Variants in CFAP46 observed in about 807,000 individuals in gnomAD.
The protein encoded by CFAP46 is cilia- and flagella-associated protein 46.
Under a neutral mutation model 325.7 loss-of-function variants are expected in CFAP46, and 245 were observed. The ratio of observed to expected loss-of-function variants is 0.75; its 90% confidence interval spans 0.68 to 0.84. The LOEUF is 0.84. CFAP46 is among the 40% of genes least tolerant of loss of function. The pLI, the probability that CFAP46 is intolerant of heterozygous loss-of-function variation, is 0.00. For synonymous variants in CFAP46, 1,523 were observed against 1,495.9 expected (o/e 1.02, Z -0.42); for missense variants, 3,346 against 3,543.0 (o/e 0.94, Z 1.41).
chr10:132,908,385 T>G, intron 22 of CFAP46, 83 bp downstream of exon 22: 1 of 1,480,882 alleles, frequency 6.8e-7, no homozygotes, highest in Non-Finnish European at 9.2e-7. Context: ...GGCGCTCACC[T>G]GCTCCCTGAT....
chr10:132,859,086 C>T lies in CFAP46; in HGVS notation c.5360G>A (p.Arg1787His), dbSNP rs1178763308. ...KENCVDVKLE[R>H]AKIKRLRAQN... is the part of the protein sequence containing the mutation. The stretch of plus-strand genomic sequence containing the variant: ...GCAGCCTTACCTCTTGATCTTCGCA[C>T]GCTCTAGTTTTACGTCAACACAATT... The change falls in exon 38 of 58, where the codon CGT becomes CAT. Residue 1787 changes from arginine to histidine, a missense_variant. Physicochemically the swap from Arg to His is conservative, Grantham distance 29. Transcript: ENST00000368586. The T allele has an allele frequency of 4.5e-6, 7 of 1,550,672 alleles. No homozygotes were observed. Among genetic ancestry groups the T allele is most frequent in the Non-Finnish European group, 5.2e-6 (6 of 1,146,972 alleles).
At position 132,827,929 on chromosome 10, in the gene CFAP46, G is replaced by A. The variant is rs920972658; in HGVS notation, c.7117+5429C>T. Among the ~76,000 whole-genome samples, 5 of 150,944 alleles carry A rather than the reference G, an allele frequency of 3.3e-5. No individual in the cohort carries two copies. The highest frequency in any genetic ancestry group is 2.2e-4 in the South Asian group (1 of 4,448). ...AGCGTAATCCTTCTGAGTGAGCCCCGTCACCCCTCGGCGTAATCCTTCTGA... is the reference window on the plus strand; with the variant it reads ...AGCGTAATCCTTCTGAGTGAGCCCCATCACCCCTCGGCGTAATCCTTCTGA... On this transcript the variant is annotated intron_variant, in intron 50 of 57. Coordinates refer to ENST00000368586, the MANE Select transcript of CFAP46 (RefSeq NM_001200049.3). This position sits in a 1 kb window ranked among gnomAD's most constrained non-coding sequence, Gnocchi z 5.7.
intron 50 of CFAP46, among the ~76,000 whole-genome samples, chr10:132,823,756 C>T (rs1847952788): frequency 1.0e-5 from 1 of 96,626 alleles, no homozygotes; most frequent in Non-Finnish European, 2.2e-5. Flanking sequence ...CTGATGTGTG[C>T]TGTGTGTGTG....
At chr10:132,824,715 GTGTA>G (rs1242582587) in intron 50 of CFAP46, among the ~76,000 whole-genome samples, 2 of 65,514 alleles carry the variant, frequency 3.1e-5, no homozygotes, top group Non-Finnish European at 5.7e-5. Context: ...TGTGCTGTGT[GTGTA>G]CTGATGTGTG....
chr10:132,887,426 CTCT>C (rs1200610995), intron 25 of CFAP46, among the ~76,000 whole-genome samples: 4 of 112,880 alleles, frequency 3.5e-5, no homozygotes, highest in South Asian at 3.6e-4. Flanking sequence ...CTCTCCTCCC[CTCT>C]TCTTTCCTCT....
At chr10:132,867,242 A>G (rs1230083226) in intron 34 of CFAP46, 133 bp downstream of exon 34, 1 of 1,060,166 alleles carries the variant, frequency 9.4e-7, no homozygotes, top group African/African-American at 1.6e-5. Flanking sequence ...ACACTGACAC[A>G]CACCCAGGCC....
At chr10:132,831,021 TAATTTC>T (rs1848138367) in intron 50 of CFAP46, among the ~76,000 whole-genome samples, 1 of 152,220 alleles carries the variant, frequency 6.6e-6, no homozygotes, top group African/African-American at 2.4e-5. Flanking sequence ...TCCCTCCTTT[TAATTTC>T]TTCTTTTATC....
At position 132,860,877 on chromosome 10, in the gene CFAP46, G is replaced by A; in HGVS notation, c.4996C>T (p.Gln1666Ter). The A allele has an allele frequency of 6.4e-7, 1 of 1,550,972 alleles. No individual in the cohort carries two copies. Among genetic ancestry groups the A allele is most frequent in the Non-Finnish European group, 8.7e-7 (1 of 1,147,072 alleles). Reference protein sequence around the residue: ...GQAKKMIAQAQHLGGSEEFWY... With the variant: ...GQAKKMIAQA ...AACTCCTCACTTCCGCCCAGGTGCTGGGCCTGTGCGATCATTTTCTTGGCT... is the reference window on the plus strand; with the variant it reads ...AACTCCTCACTTCCGCCCAGGTGCTAGGCCTGTGCGATCATTTTCTTGGCT... Residue 1666 changes from glutamine to a stop codon, truncating the protein, a stop_gained, in exon 36 of 58, where the codon CAG becomes TAG. Coordinates refer to ENST00000368586, the MANE Select transcript of CFAP46 (RefSeq NM_001200049.3). LOFTEE classifies it high-confidence loss of function.
chr10:132,834,001 T>G, intron 49 of CFAP46, 40 bp downstream of exon 49: 2,702 of 1,570,186 alleles, frequency 1.7e-3, no homozygotes, highest in Non-Finnish European at 2.2e-3. Context: ...TCTGGCGGGA[T>G]GAGCTCCCCA....
At position 132,829,401 on chromosome 10, in the gene CFAP46, T is replaced by A. The variant is rs185274911; in HGVS notation, c.7117+3957A>T. Among the ~76,000 whole-genome samples, 5 of 152,384 alleles carry A rather than the reference T, an allele frequency of 3.3e-5. No individual in the cohort carries two copies. The East Asian group carries it at 7.7e-4, about 23-fold the overall frequency. ...CAATTGGTTTTTGTACCTTGACTTT[T>A]ATATCCTTCAACCTTGCCAAAATCA... On this transcript the variant is annotated intron_variant, in intron 50 of 57. Transcript: ENST00000368586.
chr10:132,898,576 C>T (rs1239493347), intron 24 of CFAP46: 3 of 347,450 alleles, frequency 8.6e-6, no homozygotes, highest in South Asian at 4.6e-5. Flanking sequence ...CCGCCCCCTG[C>T]CCTGCCCTCT....
At chr10:132,910,646 C>T (rs1380765127) in intron 19 of CFAP46, among the ~76,000 whole-genome samples, 2 of 152,180 alleles carry the variant, frequency 1.3e-5, no homozygotes, top group African/African-American at 4.8e-5. Flanking sequence ...GAGCCTCGCC[C>T]GGTGCAGGAA....
At chr10:132,849,870 G>A (rs1467852943) in intron 41 of CFAP46, among the ~76,000 whole-genome samples, 1 of 152,206 alleles carries the variant, frequency 6.6e-6, no homozygotes, top group East Asian at 1.9e-4. Context: ...AGCTCCCCAG[G>A]TCCCTGTGCG....
intron 4 of CFAP46, among the ~76,000 whole-genome samples, chr10:132,940,722 C>T (rs981653446): frequency 2.0e-5 from 3 of 152,208 alleles, no homozygotes; most frequent in Non-Finnish European, 4.4e-5. Flanking sequence ...GGATTACAGG[C>T]ATGTGCCACC....
intron 8 of CFAP46, among the ~76,000 whole-genome samples, chr10:132,934,349 C>T (rs1007043355): frequency 1.2e-4 from 18 of 146,636 alleles, no homozygotes; most frequent in African/African-American, 4.5e-4. Context: ...TCCAGGATAC[C>T]AGCCCAGGAC....
At position 132,886,474 on chromosome 10, in the gene CFAP46, AAAAATCGCCTGCCTGCC is replaced by A. The variant is rs1849133144; in HGVS notation, c.3305-532_3305-516del. Reference sequence around the variant, plus strand: ...AGGTGCCTGCCTTCAGGGCACACACAAAAATCGCCTGCCTGCCGGGAGGTGAGCCCCACCCAGCCTCC... The same window carrying A: ...AGGTGCCTGCCTTCAGGGCACACACAGGGAGGTGAGCCCCACCCAGCCTCC... On this transcript the variant is annotated intron_variant, in intron 25 of 57. Coordinates refer to ENST00000368586, the MANE Select transcript of CFAP46 (RefSeq NM_001200049.3). The surrounding 1 kb of genome is among the most constrained non-coding windows in gnomAD (Gnocchi z 5.8). 1.3e-5 allele frequency among the ~76,000 whole-genome samples: 2 copies of A among 152,160 alleles called. No individual in the cohort carries two copies. Among genetic ancestry groups the A allele is most frequent in the Non-Finnish European group, 2.9e-5 (2 of 68,020 alleles).
At chr10:132,860,294 T>C in intron 37 of CFAP46, 123 bp downstream of exon 37, 1 of 663,996 alleles carries the variant, frequency 1.5e-6, no homozygotes, top group Non-Finnish European at 2.7e-6. Context: ...GCTGTGGATA[T>C]GTGGCCCCAT....
At chr10:132,852,040 T>C (rs1848559949) in intron 39 of CFAP46, among the ~76,000 whole-genome samples, 1 of 152,026 alleles carries the variant, frequency 6.6e-6, no homozygotes, top group African/African-American at 2.4e-5. Context: ...CAGATCCTGA[T>C]CCACAGACGT....
intron 24 of CFAP46, 42 bp from the exon 25 acceptor site, chr10:132,892,459 C>A: frequency 6.5e-7 from 1 of 1,528,242 alleles, no homozygotes; most frequent in Non-Finnish European, 8.9e-7. Flanking sequence ...TTGAAAGTTG[C>A]AAGACAGTCT....
Sources: gnomAD v4.1 joint callset for allele counts (sites outside exome capture counted in the v4.1 genomes callset) on GRCh38, gnomAD v4.1.1 for gene constraint, Gnocchi (gnomAD v3.1) non-coding constraint, MANE v1.5 for transcripts, NCBI Gene and HGNC (gene_info 2026-07-23, HGNC 2026-07-21) for gene names.